The following LIMCH1 variants were observed in gnomAD, a reference collection of about 807,000 sequenced individuals.
The protein encoded by LIMCH1 is LIM and calponin homology domains 1.
Under a neutral mutation model 176.5 loss-of-function variants are expected in LIMCH1, and 113 were observed. The observed-to-expected ratio is 0.64, with a 90% CI of 0.55 to 0.75. The LOEUF (loss-of-function observed/expected upper bound fraction) is 0.75, where lower values mean the gene tolerates loss of function less well. Among genes scored for constraint, LIMCH1 ranks in the 30% least tolerant of loss-of-function variants. LIMCH1 has a pLI of 0.00. For synonymous variants in LIMCH1, 619 were observed against 645.9 expected, an observed-to-expected ratio of 0.96 and a Z score of 0.63; for missense variants, 1,674 against 1,814.9, an observed-to-expected ratio of 0.92 and a Z score of 1.41.
chr4:41,538,191 AGC>A lies in LIMCH1; in HGVS notation c.-399_-398del, dbSNP rs1341349151. Reference sequence around the variant, plus strand: ...GCCGCAGCAGCCTGCTTGTGGACAGAGCAGGGGTTGGCAGTGGTGACGACTGT... The same window carrying A: ...GCCGCAGCAGCCTGCTTGTGGACAGAAGGGGTTGGCAGTGGTGACGACTGT... On this transcript the variant is annotated 5_prime_UTR_variant, in exon 1 of 32. Transcript: ENST00000503057. The A allele has an allele frequency of 1.0e-6, 1 of 985,698 alleles. No individual in the cohort carries two copies. The highest frequency in any genetic ancestry group is 1.2e-6 in the Non-Finnish European group (1 of 830,098). 61.1% of individuals were successfully genotyped at this position (985,698 alleles called of 1,614,324 possible). A position where few individuals can be genotyped will look rare whatever the true frequency, so the allele number is the denominator to read the frequency against.
chr4:41,465,895 G>A (rs112865765), intron 1 of LIMCH1, among the ~76,000 whole-genome samples: 5 of 151,758 alleles, frequency 3.3e-5, no homozygotes, highest in African/African-American at 9.7e-5. Context: ...ACACTACAGT[G>A]GCAGTTGAAT....
intron 1 of LIMCH1, among the ~76,000 whole-genome samples, chr4:41,368,214 G>T (rs1024347335): frequency 5.9e-5 from 9 of 152,198 alleles, no homozygotes; most frequent in African/African-American, 2.2e-4. Flanking sequence ...TCACTCATTT[G>T]TAAGTTTGCT....
intron 30 of LIMCH1, among the ~76,000 whole-genome samples, chr4:41,691,769 T>C (rs992388887): frequency 6.6e-6 from 1 of 151,828 alleles, no homozygotes; most frequent in East Asian, 1.9e-4. Context: ...TCTTAAAAAA[T>C]AAATAAAATA....
chr4:41,573,899 G>A (rs2083979582), intron 1 of LIMCH1, among the ~76,000 whole-genome samples: 1 of 152,164 alleles, frequency 6.6e-6, no homozygotes, highest in African/African-American at 2.4e-5. Context: ...TGGCTATTAG[G>A]TCATTAGCTT....
At position 41,697,437 on chromosome 4, in the gene LIMCH1, A is replaced by G; in HGVS notation, c.*252A>G. ...ATATGGGGTTGTAATGATCCTGAATAGCTCAAAAAAGGTTTTAGCATGGTC... is the reference window on the plus strand; with the variant it reads ...ATATGGGGTTGTAATGATCCTGAATGGCTCAAAAAAGGTTTTAGCATGGTC... On this transcript the variant is annotated 3_prime_UTR_variant, in exon 32 of 32. Coordinates refer to ENST00000503057, the MANE Select transcript of LIMCH1 (RefSeq NM_001330672.2). 2.3e-6 allele frequency: 1 copy of G among 429,840 alleles called. No homozygotes were observed. Among genetic ancestry groups the G allele is most frequent in the East Asian group, 3.3e-5 (1 of 30,144 alleles). 26.6% of individuals were successfully genotyped at this position (429,840 alleles called of 1,614,324 possible).
intron 2 of LIMCH1, among the ~76,000 whole-genome samples, chr4:41,500,188 G>A (rs545410612): frequency 3.3e-5 from 5 of 152,332 alleles, no homozygotes; most frequent in African/African-American, 1.2e-4. Context: ...ATCTGTGAAA[G>A]ATACTCAAGT....
chr4:41,457,729 C>A (rs2064793927), intron 1 of LIMCH1, among the ~76,000 whole-genome samples: 1 of 152,088 alleles, frequency 6.6e-6, no homozygotes, highest in South Asian at 2.1e-4. Flanking sequence ...ACTTTCATTT[C>A]TTTTAAGAAA....
At chr4:41,643,341 G>C (rs2342912) in intron 14 of LIMCH1, among the ~76,000 whole-genome samples, 41,293 of 151,830 alleles carry the variant, frequency 0.27, 5,916 homozygotes, top group Middle Eastern at 0.35. Context: ...TTTGTGTTAG[G>C]CTGGTTTCAA....
chr4:41,570,494 G>C (rs1296000816), intron 1 of LIMCH1, among the ~76,000 whole-genome samples: 1 of 152,184 alleles, frequency 6.6e-6, no homozygotes, highest in Non-Finnish European at 1.5e-5. Context: ...GTAGACACTA[G>C]CCTGTATTGA....
At chr4:41,551,658 G>GA (rs1309434939) in intron 1 of LIMCH1, among the ~76,000 whole-genome samples, 6 of 151,916 alleles carry the variant, frequency 3.9e-5, no homozygotes, top group African/African-American at 1.2e-4. Flanking sequence ...TAAATGGTTG[G>GA]AAAAAAATAA....
At position 41,377,133 on chromosome 4, in the gene LIMCH1, T is replaced by TTTC. The variant is rs150497218; in HGVS notation, c.96+16200_96+16202dup. Among the ~76,000 whole-genome samples the TTTC allele has an allele frequency of 4.5e-3, 683 of 152,270 alleles. 13 individuals carry two copies. The highest frequency in any genetic ancestry group is 0.016 in the African/African-American group (661 of 41,556). On this transcript the variant is annotated intron_variant, in intron 1 of 26. Coordinates refer to the LIMCH1 transcript ENST00000313860. ...GCAGATGGCAATGGTATATTTTATT[T>TTTC]TTCTTGCTCACGGGTTGAAGGGTCA...
chr4:41,494,780 C>T (rs763261696), intron 2 of LIMCH1, among the ~76,000 whole-genome samples: 4 of 152,082 alleles, frequency 2.6e-5, no homozygotes, highest in African/African-American at 4.8e-5. Context: ...CCTTGGTGTG[C>T]CAGTAGGGAG....
intron 13 of LIMCH1, among the ~76,000 whole-genome samples, chr4:41,637,383 C>T (rs942283078): frequency 1.7e-4 from 26 of 152,104 alleles, no homozygotes; most frequent in African/African-American, 6.3e-4. Context: ...AGAGACAAGG[C>T]TTTGCCATGT....
At chr4:41,365,889 G>A (rs535357413) in intron 1 of LIMCH1, among the ~76,000 whole-genome samples, 4 of 152,334 alleles carry the variant, frequency 2.6e-5, no homozygotes, top group South Asian at 2.1e-4. Context: ...TGCATCAGGC[G>A]AGCTCCAAAG....
chr4:41,564,050 C>T (rs924047483), intron 1 of LIMCH1, among the ~76,000 whole-genome samples: 8 of 152,148 alleles, frequency 5.3e-5, no homozygotes, highest in African/African-American at 1.7e-4. Flanking sequence ...ACCCTAGGCT[C>T]ATCAGCCAGC....
chr4:41,405,149 G>C (rs113996015), intron 1 of LIMCH1, among the ~76,000 whole-genome samples: 18 of 152,198 alleles, frequency 1.2e-4, no homozygotes, highest in Non-Finnish European at 2.4e-4. Context: ...TGTATTATTA[G>C]TAAATATTTG....
At position 41,620,617 on chromosome 4, in the gene LIMCH1, G is replaced by C; in HGVS notation, c.652G>C (p.Ala218Pro). 6.5e-7 allele frequency: 1 copy of C among 1,536,192 alleles called. No homozygotes were observed. The highest frequency in any genetic ancestry group is 8.7e-7 in the Non-Finnish European group (1 of 1,146,924). ...PAPKSEEKDA[A>P]EIQKRKRLEQ... is the part of the protein sequence containing the mutation. ...TCCCAAGTCTGAAGAAAAAGATGCTGCTGAGATCCAAAAGCGCAAAAGGCT... is the reference window on the plus strand; with the variant it reads ...TCCCAAGTCTGAAGAAAAAGATGCTCCTGAGATCCAAAAGCGCAAAAGGCT... Residue 218 changes from alanine to proline, a missense_variant, in exon 7 of 32, where the codon GCT becomes CCT. Physicochemically the swap from Ala to Pro is conservative, Grantham distance 27. This residue lies in a region of LIMCH1 where 655 missense variants were observed against 692.2 expected (regional missense o/e 0.95). Coordinates refer to ENST00000503057, the MANE Select transcript of LIMCH1 (RefSeq NM_001330672.2).
At chr4:41,440,139 G>C (rs557892665) in intron 1 of LIMCH1, among the ~76,000 whole-genome samples, 1 of 152,204 alleles carries the variant, frequency 6.6e-6, no homozygotes, top group African/African-American at 2.4e-5. Flanking sequence ...AAATAAACTT[G>C]AGCATTAATT....
intron 18 of LIMCH1, among the ~76,000 whole-genome samples, chr4:41,656,410 A>T (rs529387095): frequency 6.6e-6 from 1 of 152,242 alleles, no homozygotes; most frequent in Non-Finnish European, 1.5e-5. Flanking sequence ...AAAAGTCATT[A>T]AAGATATTTA....
Sources: gnomAD v4.1 joint callset for allele counts (sites outside exome capture counted in the v4.1 genomes callset) on GRCh38, gnomAD v4.1.1 for gene constraint, gnomAD v4.1.1 regional missense constraint, MANE v1.5 for transcripts, NCBI Gene and HGNC (gene_info 2026-07-23, HGNC 2026-07-21) for gene names.